Variants in CREB3L4 observed in about 807,000 individuals in gnomAD.
CREB3L4 encodes cyclic AMP-responsive element-binding protein 3-like protein 4.
Under a neutral mutation model 37.0 loss-of-function variants are expected in CREB3L4, and 28 were observed. The ratio of observed to expected loss-of-function variants is 0.76; its 90% CI spans 0.56 to 1.04. CREB3L4 has a LOEUF of 1.04. CREB3L4 is among the 50% of genes least tolerant of loss of function. The pLI, the probability that CREB3L4 is intolerant of heterozygous loss-of-function variation, is 0.00. For missense variants in CREB3L4, 462 were observed against 486.0 expected (o/e 0.95, Z 0.46); for synonymous variants, 175 against 192.2 (o/e 0.91, Z 0.74).
chr1:153,973,846 A>G, intron 9 of CREB3L4, 26 bp from the exon 10 acceptor site: 1 of 1,610,664 alleles, frequency 6.2e-7, no homozygotes, highest in South Asian at 1.1e-5. Flanking sequence ...GCACTCTACT[A>G]CTGCCCTCTT....
Position 153,972,995 on chromosome 1 carries a change from G to C in CREB3L4, c.660G>C (p.Lys220Asn). ...AGGCAGAGGAGAGGGTCCTCAAGAAGGTCAGGAGGAAAATCCGTAACAAGC... is the reference window on the plus strand; with the variant it reads ...AGGCAGAGGAGAGGGTCCTCAAGAACGTCAGGAGGAAAATCCGTAACAAGC... ...LTKAEERVLKKVRRKIRNKQS... is the reference protein window; with the variant it reads ...LTKAEERVLKNVRRKIRNKQS... Residue 220 changes from lysine to asparagine, a missense_variant, in exon 6 of 10, where the codon AAG becomes AAC. Lys to Asn is a moderately conservative substitution (Grantham distance 94). Coordinates refer to ENST00000368607, the MANE Select transcript of CREB3L4 (RefSeq NM_001255978.2). 6.2e-7 allele frequency: 1 copy of C among 1,614,178 alleles called. No homozygotes were observed. The highest frequency in any genetic ancestry group is 8.5e-7 in the Non-Finnish European group (1 of 1,180,026).
At position 153,970,769 on chromosome 1, in the gene CREB3L4, A is replaced by G. The variant is rs558109866; in HGVS notation, c.543+1314A>G. ...TTTTTTTTTTTTTTTTTTTTTAGAC[A>G]GAGTCTCGCTCTGTCACCAGACTGG... On this transcript the variant is annotated intron_variant, in intron 4 of 9. Transcript: ENST00000368607. Among the ~76,000 whole-genome samples the G allele has an allele frequency of 3.1e-5, 4 of 129,996 alleles. No individual in the cohort carries two copies. In the South Asian group the frequency reaches 9.6e-4, roughly 31 times the overall value. 85.3% of individuals were successfully genotyped at this position (129,996 alleles called of 152,430 possible).
rs1185326672 is a variant in CREB3L4 at position 153,973,448 on chromosome 1, C to A, written c.881C>A (p.Thr294Asn). 4 of 1,614,046 alleles carry A rather than the reference C, an allele frequency of 2.5e-6. No individual in the cohort carries two copies. The highest frequency in any genetic ancestry group is 1.6e-4 in the Middle Eastern group (1 of 6,062). The change falls in exon 8 of 10, where the codon ACC becomes AAC. Residue 294 changes from threonine to asparagine, a missense_variant. Thr to Asn is a moderately conservative substitution (Grantham distance 65). Coordinates refer to ENST00000368607, the MANE Select transcript of CREB3L4 (RefSeq NM_001255978.2). ...IAQTSNKAAQTSTCVLILLFS... is the reference protein window; with the variant it reads ...IAQTSNKAAQNSTCVLILLFS... ...CAAACTTCCAACAAAGCTGCCCAGA[C>A]CAGCACTTGTGTTTTGGTACCATTA...
At chr1:153,970,577 A>T (rs1456256928) in intron 4 of CREB3L4, among the ~76,000 whole-genome samples, 1 of 152,102 alleles carries the variant, frequency 6.6e-6, no homozygotes, top group Non-Finnish European at 1.5e-5. Context: ...CCGTCTGGGC[A>T]GCGTCCAAGG....
intron 9 of CREB3L4, 38 bp downstream of exon 9, chr1:153,973,754 A>G (rs1648640635): frequency 6.4e-7 from 1 of 1,554,914 alleles, no homozygotes; most frequent in Admixed American, 1.8e-5. Context: ...CTGGCTGAGC[A>G]AGGGAGGGGG....
rs987197114 is a variant in CREB3L4, at chr1:153,974,212, C to G, written c.*147C>G. The stretch of plus-strand genomic sequence containing the variant: ...GACACCCCAAGAGATGTCCTTTAGT[C>G]TCTGCCTGAGGCCTAGTCTGCATTT... On this transcript the variant is annotated 3_prime_UTR_variant, in exon 10 of 10. Coordinates refer to ENST00000368607, the MANE Select transcript of CREB3L4 (RefSeq NM_001255978.2). The G allele has an allele frequency of 1.5e-6, 1 of 677,306 alleles. No individual in the cohort carries two copies. The highest frequency in any genetic ancestry group is 1.8e-5 in the African/African-American group (1 of 55,304). The allele number at this position is 677,306 out of a possible 1,614,324, so 42.0% of individuals were successfully genotyped here. A position where few individuals can be genotyped will look rare whatever the true frequency, so the allele number is the denominator to read the frequency against.
Position 153,968,716 on chromosome 1 carries a change from G to A in CREB3L4, c.174+17G>A, listed in dbSNP as rs1305288882. The A allele has an allele frequency of 4.3e-6, 7 of 1,613,384 alleles. No homozygotes were observed. In the Admixed American group the frequency reaches 8.3e-5, roughly 19 times the overall value. On this transcript the variant is annotated intron_variant, in intron 2 of 9. Coordinates refer to ENST00000368607, the MANE Select transcript of CREB3L4 (RefSeq NM_001255978.2). ...CGTGGCTGTGTGAGTGTGACGAGTG[G>A]GAGTGGGGGTGGGGTTGAGACACAA...
chr1:153,972,691 T>G, intron 4 of CREB3L4, 53 bp from the exon 5 acceptor site: 1 of 1,459,622 alleles, frequency 6.9e-7, no homozygotes, highest in South Asian at 1.2e-5. Flanking sequence ...GTGCTGCAAA[T>G]GGGATGACCC....
rs1648539981 is a variant in CREB3L4, at chr1:153,972,985, TC to T, written c.652del (p.Leu218SerfsTer57). 6.2e-7 allele frequency: 1 copy of T among 1,613,706 alleles called. No homozygotes were observed. Among genetic ancestry groups the T allele is most frequent in the Admixed American group, 1.7e-5 (1 of 59,954 alleles). ...HLPLTKAEER[V>X]LKKVRRKIRN... ...TGGGCCTCCAAGGCAGAGGAGAGGGTCCTCAAGAAGGTCAGGAGGAAAATCC... is the reference window on the plus strand; with the variant it reads ...TGGGCCTCCAAGGCAGAGGAGAGGGTCTCAAGAAGGTCAGGAGGAAAATCC... On this transcript the variant is annotated frameshift_variant, in exon 6 of 10. Transcript: ENST00000368607. LOFTEE classifies it high-confidence loss of function.
Position 153,969,109 on chromosome 1 carries a change from G to A in CREB3L4, c.354G>A (p.Glu118=), listed in dbSNP as rs778769666. ...SSPMLYEVVY[E]AGALERMQGE... ...CTATGCTCTATGAGGTTGTCTATGA[G>A]GCAGGGGCCCTGGAGAGGATGCAGG... The change falls in exon 3 of 10, where the codon GAG becomes GAA. Residue 118 remains glutamate, a synonymous_variant. Transcript: ENST00000368607. The A allele has an allele frequency of 6.2e-7, 1 of 1,614,182 alleles. No homozygotes were observed. The highest frequency in any genetic ancestry group is 8.5e-7 in the Non-Finnish European group (1 of 1,180,028).
At chr1:153,968,385 A>AG (rs1247132627) in intron 1 of CREB3L4, 137 bp from the exon 2 acceptor site, 5 of 594,650 alleles carry the variant, frequency 8.4e-6, no homozygotes, top group Non-Finnish European at 1.3e-5. Flanking sequence ...GGGACAGGTG[A>AG]GGGGGCTTGC....
At position 153,969,370 on chromosome 1, in the gene CREB3L4, G is replaced by T. The variant is rs777111235; in HGVS notation, c.458G>T (p.Cys153Phe). The stretch of plus-strand genomic sequence containing the variant: ...CCAGCATTTATGGTGCCTGATTCCT[G>T]CATGGTCAGTGAGCTGCCCTTTGAT... ...WSPAFMVPDS[C>F]MVSELPFDAH... Residue 153 changes from cysteine to phenylalanine, a missense_variant, in exon 4 of 10, where the codon TGC (cysteine) becomes TTC (phenylalanine). Cys to Phe is a radical substitution (Grantham distance 205). Coordinates refer to ENST00000368607, the MANE Select transcript of CREB3L4 (RefSeq NM_001255978.2). 6.2e-7 allele frequency: 1 copy of T among 1,614,068 alleles called. No homozygotes were observed. Among genetic ancestry groups the T allele is most frequent in the African/African-American group, 1.3e-5 (1 of 74,922 alleles).
At chr1:153,973,744 C>A in intron 9 of CREB3L4, 28 bp downstream of exon 9, 1 of 1,575,040 alleles carries the variant, frequency 6.3e-7, no homozygotes, top group East Asian at 2.3e-5. Flanking sequence ...GGAGCAACCC[C>A]TGGCTGAGCA....
intron 4 of CREB3L4, 48 bp downstream of exon 4, chr1:153,969,503 A>T (rs745321634): frequency 6.2e-7 from 1 of 1,601,480 alleles, no homozygotes; most frequent in Admixed American, 1.7e-5. Context: ...TACATATATA[A>T]TCACACAGAC....
At position 153,974,075 on chromosome 1, in the gene CREB3L4, G is replaced by C; in HGVS notation, c.*10G>C. ...TGCAGATGAGATGTGAGCTGGAACA[G>C]ACCTTCCTGGCCCACTTCCTGATCA... On this transcript the variant is annotated 3_prime_UTR_variant, in exon 10 of 10. Coordinates refer to ENST00000368607, the MANE Select transcript of CREB3L4 (RefSeq NM_001255978.2). 1 of 1,609,172 alleles carries C rather than the reference G, an allele frequency of 6.2e-7. No homozygotes were observed. The highest frequency in any genetic ancestry group is 8.5e-7 in the Non-Finnish European group (1 of 1,177,278).
rs1036263730 is a variant in CREB3L4, at chr1:153,971,389, C to G, written c.544-1355C>G. ...TCTCAAAAAAAAAAAGTCTGATGCC[C>G]CTAAGTTTGGGTATACATTAGAAGC... On this transcript the variant is annotated intron_variant, in intron 4 of 9. Coordinates refer to ENST00000368607, the MANE Select transcript of CREB3L4 (RefSeq NM_001255978.2). 3.3e-5 allele frequency among the ~76,000 whole-genome samples: 5 copies of G among 151,666 alleles called. No homozygotes were observed. In the South Asian group the frequency reaches 1.0e-3, roughly 32 times the overall value.
intron 4 of CREB3L4, among the ~76,000 whole-genome samples, chr1:153,971,960 T>C (rs923776383): frequency 7.2e-5 from 11 of 152,088 alleles, no homozygotes; most frequent in Non-Finnish European, 1.5e-5. Flanking sequence ...GTAGCTGGGA[T>C]TACAAGCACC....
intron 2 of CREB3L4, 83 bp downstream of exon 2, chr1:153,968,782 C>T: frequency 6.4e-7 from 1 of 1,572,328 alleles, no homozygotes; most frequent in Non-Finnish European, 8.7e-7. Flanking sequence ...GGAGACAGGT[C>T]TGAAAACAGA....
Position 153,973,764 on chromosome 1 carries a change from G to T in CREB3L4, c.994+48G>T, listed in dbSNP as rs530008795. On this transcript the variant is annotated intron_variant, in intron 9 of 9. Coordinates refer to ENST00000368607, the MANE Select transcript of CREB3L4 (RefSeq NM_001255978.2). ...AACCCCTGGCTGAGCAAGGGAGGGGGACTCTGTTCTCCAAGGTCGTCAAGA... is the reference window on the plus strand; with the variant it reads ...AACCCCTGGCTGAGCAAGGGAGGGGTACTCTGTTCTCCAAGGTCGTCAAGA... 48 of 1,555,576 alleles carry T rather than the reference G, an allele frequency of 3.1e-5. No individual in the cohort carries two copies. In the Admixed American group the frequency reaches 6.0e-4, roughly 19 times the overall value.
Sources: allele counts gnomAD v4.1 joint callset (sites outside exome capture counted in the v4.1 genomes callset), GRCh38; gene constraint gnomAD v4.1.1; transcripts MANE v1.5; gene names NCBI Gene and HGNC (gene_info 2026-07-23, HGNC 2026-07-21).